Variants in MDN1 observed in about 807,000 individuals in gnomAD.
MDN1 encodes the protein midasin.
Under a neutral mutation model 669.2 loss-of-function variants are expected in MDN1, and 266 were observed. That is an observed-to-expected ratio of 0.40 (90% confidence interval 0.36 to 0.44). MDN1 has a LOEUF of 0.44. MDN1 is among the 20% of genes least tolerant of loss of function. MDN1 has a pLI of 1.00. For missense variants in MDN1, 5,940 were observed against 6,754.0 expected, an observed-to-expected ratio of 0.88 and a Z score of 4.22; for synonymous variants, 2,385 against 2,457.1, an observed-to-expected ratio of 0.97 and a Z score of 0.87.
intron 88 of MDN1, among the ~76,000 whole-genome samples, chr6:89,659,879 CTTA>C (rs1247783482): frequency 6.6e-6 from 1 of 152,064 alleles, no homozygotes; most frequent in South Asian, 2.1e-4. Flanking sequence ...TAAAATAACT[CTTA>C]TTATTTATTT....
intron 15 of MDN1, among the ~76,000 whole-genome samples, chr6:89,768,584 A>G (rs188791634): frequency 6.6e-6 from 1 of 152,008 alleles, no homozygotes. Context: ...AAAATAGAAA[A>G]TAATTAGCTA....
intron 91 of MDN1, 110 bp from the exon 92 acceptor site, chr6:89,656,078 A>G: frequency 1.1e-6 from 1 of 939,438 alleles, no homozygotes; most frequent in South Asian, 1.7e-5. Context: ...AGGTGTAGCC[A>G]TACAAGAATG....
chr6:89,803,895 C>CTTTTTTTTTTTTT (rs56246331), intron 1 of MDN1, among the ~76,000 whole-genome samples: 1 of 76,414 alleles, frequency 1.3e-5, no homozygotes, highest in African/African-American at 5.3e-5. Context: ...CTTTTCTTTT[C>CTTTTTTTTTTTTT]TTTTTTTTTT....
chr6:89,779,804 G>A (rs577622384), intron 11 of MDN1, among the ~76,000 whole-genome samples: 15 of 152,298 alleles, frequency 9.8e-5, no homozygotes, highest in Admixed American at 8.5e-4. Context: ...GGTGGCTCAC[G>A]CCTGTAATCC....
At position 89,743,240 on chromosome 6, in the gene MDN1, CCAT is replaced by C; in HGVS notation, c.4355_4357del (p.Asp1452del). 1 of 1,614,094 alleles carries C rather than the reference CCAT, an allele frequency of 6.2e-7. No homozygotes were observed. The highest frequency in any genetic ancestry group is 1.1e-5 in the South Asian group (1 of 91,080). On this transcript the variant is annotated inframe_deletion, in exon 31 of 102. Transcript: ENST00000369393. ...CTCCTTCATGGCCTGAACCAGAGGCCCATCATGCCACTCAAAGAGTCTTGATGT... is the reference window on the plus strand; with the variant it reads ...CTCCTTCATGGCCTGAACCAGAGGCCCATGCCACTCAAAGAGTCTTGATGT...
At position 89,712,098 on chromosome 6, in the gene MDN1, T is replaced by C. The variant is rs771135284; in HGVS notation, c.7589A>G (p.Gln2530Arg). The C allele has an allele frequency of 6.2e-7, 1 of 1,614,192 alleles. No individual in the cohort carries two copies. The highest frequency in any genetic ancestry group is 1.7e-5 in the Admixed American group (1 of 60,026). ...VKLLIERATN[Q>R]DWMLRVKWLY... ...CCATTTAACTCTGAGCATCCAATCC[T>C]GATTGGTTGCTCTTTCTATGAGCAA... The change falls in exon 49 of 102, where the codon CAG (glutamine) becomes CGG (arginine). Residue 2530 changes from glutamine to arginine, a missense_variant. This residue lies in a region of MDN1 where 2,292 missense variants were observed against 2,638.3 expected (regional missense o/e 0.87). Coordinates refer to ENST00000369393, the MANE Select transcript of MDN1 (RefSeq NM_014611.3).
intron 15 of MDN1, 107 bp from the exon 16 acceptor site, chr6:89,762,637 G>A (rs773106074): frequency 2.6e-5 from 19 of 739,712 alleles, no homozygotes; most frequent in East Asian, 1.1e-4. Flanking sequence ...TTTAATTAAC[G>A]TCAGAAATAC....
At chr6:89,797,852 T>C (rs1819688347) in intron 2 of MDN1, 3 of 190,098 alleles carry the variant, frequency 1.6e-5, no homozygotes, top group Non-Finnish European at 3.3e-5. Flanking sequence ...GAGGATCTCC[T>C]TACACAGCAG....
Position 89,753,627 on chromosome 6 carries a change from A to G in MDN1, c.2965-5T>C, listed in dbSNP as rs1438424046. The G allele has an allele frequency of 6.3e-7, 1 of 1,599,892 alleles. No homozygotes were observed. The highest frequency in any genetic ancestry group is 1.3e-5 in the African/African-American group (1 of 74,574). On this transcript the variant is annotated splice_region_variant and splice_polypyrimidine_tract_variant and intron_variant, in intron 21 of 101. Transcript: ENST00000369393. Reference sequence around the variant, plus strand: ...TAAGAAACCCAAACAAAAACCCTAGAAAGAAAAGACAAATATGCATAATGC... The same window carrying G: ...TAAGAAACCCAAACAAAAACCCTAGGAAGAAAAGACAAATATGCATAATGC...
At chr6:89,714,866 C>T (rs1156394045) in intron 45 of MDN1, 115 bp from the exon 46 acceptor site, 1 of 807,676 alleles carries the variant, frequency 1.2e-6, no homozygotes, top group Non-Finnish European at 1.9e-6. Context: ...TCACAGAATT[C>T]ACACCAAGGA....
chr6:89,798,635 A>G (rs1049181696), intron 2 of MDN1, among the ~76,000 whole-genome samples: 51 of 152,356 alleles, frequency 3.3e-4, no homozygotes, highest in African/African-American at 1.1e-3. Context: ...GCTAAAAATA[A>G]ACAAAAAATA....
intron 1 of MDN1, among the ~76,000 whole-genome samples, chr6:89,811,591 G>A (rs1035754046): frequency 2.6e-5 from 4 of 152,016 alleles, no homozygotes; most frequent in South Asian, 4.2e-4. Context: ...GACTACAGGA[G>A]TGTGCCACCA....
At chr6:89,778,708 C>T (rs546835264) in intron 11 of MDN1, among the ~76,000 whole-genome samples, 12 of 151,502 alleles carry the variant, frequency 7.9e-5, no homozygotes, top group Admixed American at 1.3e-4. Context: ...CAGGGTGAAA[C>T]CCCATCTCTA....
rs36015348 is a variant in MDN1 at position 89,797,372 on chromosome 6, C to CAAA, written c.330-2574_330-2572dup. On this transcript the variant is annotated intron_variant, in intron 2 of 101. Transcript: ENST00000369393. ...CTGGCGACAGAGCAAGACTCCATCT[C>CAAA]AAAAAAAAAAAAAAAAAAAAATTCT... is the stretch of plus-strand genomic sequence containing the variant. 2.8e-3 allele frequency among the ~76,000 whole-genome samples: 274 copies of CAAA among 96,922 alleles called. 3 individuals are homozygous for CAAA. Among genetic ancestry groups the CAAA allele is most frequent in the East Asian group, 6.5e-3 (22 of 3,390 alleles). 63.6% of individuals were successfully genotyped at this position (96,922 alleles called of 152,430 possible). A position where few individuals can be genotyped will look rare whatever the true frequency, so the allele number is the denominator to read the frequency against.
chr6:89,715,643 AT>A lies in MDN1; in HGVS notation c.6860+9del. ...AGATTCTGAGGCAGAAATGTAAGAG[AT>A]ACAAATACCTGAAATTGGGATTTGG... On this transcript the variant is annotated intron_variant, in intron 45 of 101. Coordinates refer to ENST00000369393, the MANE Select transcript of MDN1 (RefSeq NM_014611.3). The A allele has an allele frequency of 1.3e-6, 2 of 1,533,376 alleles. No homozygotes were observed. The highest frequency in any genetic ancestry group is 1.8e-6 in the Non-Finnish European group (2 of 1,106,398). 95.0% of individuals were successfully genotyped at this position (1,533,376 alleles called of 1,614,324 possible). A position where few individuals can be genotyped will look rare whatever the true frequency, so the allele number is the denominator to read the frequency against.
intron 15 of MDN1, 151 bp downstream of exon 15, chr6:89,771,410 C>A: frequency 3.1e-6 from 2 of 653,226 alleles, no homozygotes; most frequent in Non-Finnish European, 5.1e-6. Flanking sequence ...TGGTACCCTG[C>A]CAAAAGCTCC....
intron 19 of MDN1, 65 bp from the exon 20 acceptor site, chr6:89,756,455 A>T (rs1190786740): frequency 1.4e-6 from 1 of 739,278 alleles, no homozygotes; most frequent in East Asian, 2.8e-5. Flanking sequence ...CAATAGAAAA[A>T]CATGAAACAG....
intron 1 of MDN1, among the ~76,000 whole-genome samples, chr6:89,805,003 C>T (rs1022184503): frequency 8.0e-6 from 1 of 125,660 alleles, no homozygotes; most frequent in African/African-American, 3.1e-5. Context: ...TGCCACTGCA[C>T]TCTAGCCTGG....
intron 1 of MDN1, among the ~76,000 whole-genome samples, chr6:89,808,320 T>C (rs974685001): frequency 3.3e-5 from 5 of 152,260 alleles, no homozygotes; most frequent in African/African-American, 9.6e-5. Flanking sequence ...AGCAGGCAGT[T>C]AATCAGCTTG....
Sources: gnomAD v4.1 joint callset for allele counts (sites outside exome capture counted in the v4.1 genomes callset) on GRCh38, gnomAD v4.1.1 for gene constraint, gnomAD v4.1.1 regional missense constraint, MANE v1.5 for transcripts, NCBI Gene and HGNC (gene_info 2026-07-23, HGNC 2026-07-21) for gene names.